ARL6IP4: variants seen among roughly 807,000 people sequenced by gnomAD.
ARL6IP4 encodes the protein ARF like GTPase 6 interacting protein 4.
In ARL6IP4, 24 loss-of-function variants were observed where a neutral mutation model predicts 28.1. The observed-to-expected ratio is 0.86, with a 90% CI of 0.62 to 1.20. ARL6IP4 has a LOEUF of 1.20. ARL6IP4 is among the 50% of genes most tolerant of loss of function. The pLI is 0.00. For synonymous variants in ARL6IP4, 162 were observed against 122.3 expected (o/e 1.32, Z -2.14); for missense variants, 343 against 302.4 (o/e 1.13, Z -1.00).
chr12:122,981,617 G>C lies in ARL6IP4; in HGVS notation c.207G>C (p.Arg69=), dbSNP rs1440167828. 3.0e-5 allele frequency: 47 copies of C among 1,562,330 alleles called. No homozygotes were observed. Among genetic ancestry groups the C allele is most frequent in the Non-Finnish European group, 3.8e-5 (44 of 1,155,376 alleles). The change falls in exon 3 of 6, where the codon CGG becomes CGC. Residue 69 remains arginine (R), a synonymous_variant. Transcript: ENST00000315580. The stretch of plus-strand genomic sequence containing the variant: ...CAGAGAGAAGCAAGCAGAAGGCCCG[G>C]AGGAGAACAAGATCCAGCTCCTCCT... ...CITERSKQKA[R]RRTRSSSSSS... is the part of the protein sequence containing the mutation.
In ARL6IP4 at chr12:122,982,034, A is replaced by G. The variant is rs767489636; in HGVS notation, c.547A>G (p.Ile183Val). Residue 183 changes from isoleucine to valine, a missense_variant, in exon 4 of 6, where the codon ATC becomes GTC. By Grantham distance (29) the Ile-to-Val change is conservative. Transcript: ENST00000315580. The part of the protein sequence containing the change: ...TKEEWDARQS[I>V]IRKVVDPETG... ...GGAGGAGTGGGATGCCCGGCAGAGC[A>G]TCATCCGCAAGGTGGTGGACCCTGA... 6.2e-7 allele frequency: 1 copy of G among 1,613,626 alleles called. No homozygotes were observed. The highest frequency in any genetic ancestry group is 1.7e-5 in the Admixed American group (1 of 60,022).
Position 122,982,706 on chromosome 12 carries a change from A to T in ARL6IP4, c.*30A>T. On this transcript the variant is annotated 3_prime_UTR_variant, in exon 6 of 6. Coordinates refer to ENST00000315580, the MANE Select transcript of ARL6IP4 (RefSeq NM_018694.4). ...CCCCGCTGGCCAAGGCCTGTGGACGACGCTGGCGGCCCAGCCTGGGCAGGT... is the reference window on the plus strand; with the variant it reads ...CCCCGCTGGCCAAGGCCTGTGGACGTCGCTGGCGGCCCAGCCTGGGCAGGT... The T allele has an allele frequency of 6.2e-7, 1 of 1,606,946 alleles. No homozygotes were observed. Among genetic ancestry groups the T allele is most frequent in the East Asian group, 2.2e-5 (1 of 44,844 alleles).
Position 122,981,264 on chromosome 12 carries a change from A to C in ARL6IP4, c.125A>C (p.Gln42Pro). The change falls in exon 2 of 6, where the codon CAA becomes CCA. Residue 42 changes from glutamine to proline, a missense_variant. Transcript: ENST00000315580. Reference protein sequence around the residue: ...TSRNCSASTSQGRKASTAPGA... With the variant: ...TSRNCSASTSPGRKASTAPGA... Reference sequence around the variant, plus strand: ...AGGAACTGCTCGGCCTCCACATCCCAAGGTCGCAAGGCCAGCACGGCCCCT... The same window carrying C: ...AGGAACTGCTCGGCCTCCACATCCCCAGGTCGCAAGGCCAGCACGGCCCCT... The C allele has an allele frequency of 6.5e-7, 1 of 1,549,702 alleles. No individual in the cohort carries two copies. Among genetic ancestry groups the C allele is most frequent in the Non-Finnish European group, 8.7e-7 (1 of 1,146,472 alleles).
chr12:122,980,679 GCCT>G (rs1223740550), exon 1 of ARL6IP4: 4 of 1,347,918 alleles, frequency 3.0e-6, no homozygotes, highest in Non-Finnish European at 3.8e-6. Context: ...CCGGCCGGAA[GCCT>G]CCTCGCCGCC....
At chr12:122,981,379 G>C in intron 2 of ARL6IP4, 80 bp downstream of exon 2, 1 of 1,477,084 alleles carries the variant, frequency 6.8e-7, no homozygotes, top group Non-Finnish European at 9.0e-7. Flanking sequence ...GGGACGCTCA[G>C]TCATGCCTCT....
intron 2 of ARL6IP4, 49 bp downstream of exon 2, chr12:122,981,348 A>C (rs908183571): frequency 4.0e-6 from 6 of 1,513,008 alleles, no homozygotes; most frequent in Non-Finnish European, 5.3e-6. Context: ...CTACCCGGGG[A>C]AGTCGGGCGA....
chr12:122,980,256 G>C, upstream of ARL6IP4: 1 of 1,238,538 alleles, frequency 8.1e-7, no homozygotes, highest in Non-Finnish European at 1.0e-6. Flanking sequence ...CCTTCCGGAT[G>C]GGCCTGGGGT....
upstream of ARL6IP4, chr12:122,980,274 C>G (rs1009898760): frequency 5.6e-6 from 7 of 1,251,360 alleles, no homozygotes; most frequent in African/African-American, 9.2e-5. Flanking sequence ...GGTCCATGCC[C>G]GCGCTCACTG....
At chr12:122,980,932 G>A in intron 1 of ARL6IP4, 187 bp downstream of exon 1, 1 of 1,379,932 alleles carries the variant, frequency 7.2e-7, no homozygotes, top group Middle Eastern at 2.4e-4. Context: ...GCCCTTAACA[G>A]GCACCGCTGC....
Position 122,981,269 on chromosome 12 carries a change from C to G in ARL6IP4, c.130C>G (p.Arg44Gly). The change falls in exon 2 of 6, where the codon CGC becomes GGC. Residue 44 changes from arginine to glycine, a missense_variant. Arg to Gly is a moderately radical substitution (Grantham distance 125, BLOSUM62 -2). Coordinates refer to ENST00000315580, the MANE Select transcript of ARL6IP4 (RefSeq NM_018694.4). ...RNCSASTSQG[R>G]KASTAPGAEA... ...CTGCTCGGCCTCCACATCCCAAGGT[C>G]GCAAGGCCAGCACGGCCCCTGGGGC... is the stretch of plus-strand genomic sequence containing the variant. 6.5e-7 allele frequency: 1 copy of G among 1,549,576 alleles called. No individual in the cohort carries two copies. The highest frequency in any genetic ancestry group is 2.5e-5 in the East Asian group (1 of 40,724).
At position 122,981,199 on chromosome 12, in the gene ARL6IP4, G is replaced by T. The variant is rs747755633; in HGVS notation, c.60G>T (p.Gly20=). The change falls in exon 2 of 6, where the codon GGG becomes GGT. Residue 20 remains glycine, a synonymous_variant. Transcript: ENST00000315580. Reference sequence around the variant, plus strand: ...GTCGCAGCCGGTCCCGGGGACGGGGGTCGGAAAAGAGAAAGAAGAAGAGCA... The same window carrying T: ...GTCGCAGCCGGTCCCGGGGACGGGGTTCGGAAAAGAGAAAGAAGAAGAGCA... The part of the protein sequence containing the change: ...SRSRSRSRGR[G]SEKRKKKSRK... The T allele has an allele frequency of 1.3e-6, 2 of 1,549,946 alleles. No individual in the cohort carries two copies. The highest frequency in any genetic ancestry group is 1.2e-5 in the South Asian group (1 of 84,020).
Position 122,981,864 on chromosome 12 carries a change from G to T in ARL6IP4, c.454G>T (p.Glu152Ter). The change falls in exon 3 of 6, where the codon GAA becomes TAA. Residue 152 changes from glutamate (E) to a stop codon, truncating the protein, a stop_gained. Transcript: ENST00000315580. LOFTEE classifies it high-confidence loss of function. ...LDQWHRSAGE[E>*]EDGPVLTDEQ... Reference sequence around the variant, plus strand: ...CCAGTGGCACCGATCAGCTGGGGAGGAAGAGGATGGCCCAGGTACTGTGCT... The same window carrying T: ...CCAGTGGCACCGATCAGCTGGGGAGTAAGAGGATGGCCCAGGTACTGTGCT... 3.1e-6 allele frequency: 5 copies of T among 1,610,972 alleles called. No individual in the cohort carries two copies. The highest frequency in any genetic ancestry group is 4.2e-6 in the Non-Finnish European group (5 of 1,178,080).
rs747841359 is a variant in ARL6IP4, at chr12:122,982,510, C to T, written c.629C>T (p.Thr210Ile). 9.3e-6 allele frequency: 15 copies of T among 1,614,032 alleles called. No homozygotes were observed. In the Middle Eastern group the frequency reaches 6.6e-4, roughly 71 times the overall value. Residue 210 changes from threonine (T) to isoleucine (I), a missense_variant, in exon 5 of 6, where the codon ACC (threonine) becomes ATC (isoleucine). Thr to Ile is a moderately conservative substitution (Grantham distance 89). Transcript: ENST00000315580. The part of the protein sequence containing the change: ...GDGEVLEEIV[T>I]KERHREINKQ... The stretch of plus-strand genomic sequence containing the variant: ...GGCGAGGTCCTAGAGGAAATCGTAA[C>T]CAAAGAACGACACAGAGAGATCAAC...
In ARL6IP4 at chr12:122,982,844, G is replaced by A. The variant is rs1475234545; in HGVS notation, c.*168G>A. On this transcript the variant is annotated 3_prime_UTR_variant, in exon 6 of 6. Coordinates refer to ENST00000315580, the MANE Select transcript of ARL6IP4 (RefSeq NM_018694.4). ...GCAGGGGGTGGAGGTTGGGGTCACC[G>A]GCCTGCTTGGCACCCCCATCTGAAA... The A allele has an allele frequency of 3.6e-5, 24 of 667,450 alleles. 1 individual carries two copies. The highest frequency in any genetic ancestry group is 5.4e-5 in the African/African-American group (3 of 55,408). The allele number at this position is 667,450 out of a possible 1,614,324, so 41.3% of individuals were successfully genotyped here. A position where few individuals can be genotyped will look rare whatever the true frequency, so the allele number is the denominator to read the frequency against.
intron 2 of ARL6IP4, 79 bp from the exon 3 acceptor site, chr12:122,981,492 T>G: frequency 7.7e-6 from 11 of 1,423,568 alleles, no homozygotes; most frequent in Non-Finnish European, 9.3e-6. Context: ...CAGGAAGCGC[T>G]CACCCTGTAG....
Position 122,980,701 on chromosome 12 carries a change from T to C in ARL6IP4, c.-56T>C. Reference sequence around the variant, plus strand: ...GAAGCCTCCTCGCCGCCGCTTCCTCTCGAGAAGGCGCGGGGCGGGCTGTCC... The same window carrying C: ...GAAGCCTCCTCGCCGCCGCTTCCTCCCGAGAAGGCGCGGGGCGGGCTGTCC... On this transcript the variant is annotated 5_prime_UTR_variant, in exon 1 of 6. Coordinates refer to ENST00000315580, the MANE Select transcript of ARL6IP4 (RefSeq NM_018694.4). The C allele has an allele frequency of 7.5e-7, 1 of 1,333,608 alleles. No homozygotes were observed. Among genetic ancestry groups the C allele is most frequent in the Non-Finnish European group, 9.6e-7 (1 of 1,046,926 alleles). The allele number at this position is 1,333,608 out of a possible 1,614,324, so 82.6% of individuals were successfully genotyped here. A position where few individuals can be genotyped will look rare whatever the true frequency, so the allele number is the denominator to read the frequency against.
At position 122,981,246 on chromosome 12, in the gene ARL6IP4, G is replaced by A; in HGVS notation, c.107G>A (p.Cys36Tyr). The change falls in exon 2 of 6, where the codon TGC becomes TAC. Residue 36 changes from cysteine to tyrosine, a missense_variant. Cys to Tyr is a radical substitution (Grantham distance 194). Coordinates refer to ENST00000315580, the MANE Select transcript of ARL6IP4 (RefSeq NM_018694.4). ...AGCAGGAAAGACACCTCGAGGAACT[G>A]CTCGGCCTCCACATCCCAAGGTCGC... is the stretch of plus-strand genomic sequence containing the variant. ...KKSRKDTSRN[C>Y]SASTSQGRKA... is the part of the protein sequence containing the mutation. The A allele has an allele frequency of 1.3e-6, 2 of 1,549,906 alleles. No homozygotes were observed. The highest frequency in any genetic ancestry group is 1.2e-5 in the South Asian group (1 of 83,980).
upstream of ARL6IP4, chr12:122,980,589 GCCCGGGACGGAA>G (rs2037598123): frequency 7.2e-7 from 1 of 1,390,202 alleles, no homozygotes; most frequent in Non-Finnish European, 9.3e-7. Context: ...AGGTGGGCGC[GCCCGGGACGGAA>G]CCTGGGGCGT....
At chr12:122,980,299 G>T, upstream of ARL6IP4, 2 of 1,277,938 alleles carry the variant, frequency 1.6e-6, no homozygotes, top group African/African-American at 1.5e-5. Context: ...GATCTTTCTG[G>T]CCCCTACGGA....
Sources: allele counts gnomAD v4.1 joint callset, GRCh38; gene constraint gnomAD v4.1.1; transcripts MANE v1.5; gene names NCBI Gene and HGNC (gene_info 2026-07-23, HGNC 2026-07-21).